The following TXLNB variants were observed in gnomAD, a reference collection of about 807,000 sequenced individuals.
The protein encoded by TXLNB is taxilin beta.
A neutral mutation model predicts 57.4 loss-of-function variants in TXLNB; 37 were observed. The observed-to-expected ratio is 0.64, with a 90% confidence interval of 0.50 to 0.85. TXLNB has a LOEUF of 0.85. Among genes scored for constraint, TXLNB ranks in the 40% least tolerant of loss-of-function variants. TXLNB has a pLI of 0.00. For synonymous variants in TXLNB, 302 were observed against 309.6 expected (o/e 0.98, Z 0.26); for missense variants, 848 against 825.6 (o/e 1.03, Z -0.33).
the TXLNB span, among the ~76,000 whole-genome samples, chr6:139,301,835 A>G: frequency 6.6e-6 from 1 of 152,140 alleles, no homozygotes; most frequent in Admixed American, 6.5e-5. Context: ...TTAGTAAGCA[A>G]CTCTGTGTAT....
the TXLNB span, among the ~76,000 whole-genome samples, chr6:139,214,957 A>G: frequency 2.6e-5 from 4 of 152,122 alleles, no homozygotes; most frequent in Non-Finnish European, 5.9e-5. Context: ...AATACAAACC[A>G]CTGCTCAATG....
At chr6:139,166,712 G>T in the TXLNB span, 1 of 1,611,582 alleles carries the variant, frequency 6.2e-7, no homozygotes, top group Non-Finnish European at 8.5e-7. Flanking sequence ...GCCCCAGAAA[G>T]GCCCAAGCCA....
chr6:139,190,896 C>A, the TXLNB span, among the ~76,000 whole-genome samples: 1 of 152,150 alleles, frequency 6.6e-6, no homozygotes, highest in South Asian at 2.1e-4. Context: ...CAGACCATAG[C>A]AGTGCTCCTG....
upstream of TXLNB, among the ~76,000 whole-genome samples, chr6:139,292,916 A>C (rs1777329251): frequency 6.6e-6 from 1 of 152,196 alleles, no homozygotes; most frequent in Admixed American, 6.5e-5. This position sits in a 1 kb window ranked among gnomAD's most constrained non-coding sequence, Gnocchi z 4.0. Context: ...CAGGCTAGGC[A>C]TAGTGGCATC....
At chr6:139,312,481 G>A in the TXLNB span, among the ~76,000 whole-genome samples, 11 of 152,252 alleles carry the variant, frequency 7.2e-5, 1 homozygote, top group African/African-American at 2.2e-4. Flanking sequence ...GCCACCTCTC[G>A]TAGTGTTTGC....
chr6:139,223,348 A>G, the TXLNB span, among the ~76,000 whole-genome samples: 2 of 152,230 alleles, frequency 1.3e-5, no homozygotes, highest in African/African-American at 4.8e-5. Context: ...GGGATGGGGA[A>G]GGAAGAAAAT....
At chr6:139,323,063 C>T in the TXLNB span, among the ~76,000 whole-genome samples, 1 of 152,112 alleles carries the variant, frequency 6.6e-6, no homozygotes, top group Non-Finnish European at 1.5e-5. Context: ...TTTCTGTGAA[C>T]TGACTAGGAA....
the TXLNB span, among the ~76,000 whole-genome samples, chr6:139,225,804 G>T: frequency 6.6e-6 from 1 of 152,176 alleles, no homozygotes; most frequent in Non-Finnish European, 1.5e-5. Flanking sequence ...GTGTGTGTTT[G>T]TGTGTGTAGA....
At chr6:139,236,188 T>A (rs772372198), downstream of TXLNB, among the ~76,000 whole-genome samples, 1 of 152,132 alleles carries the variant, frequency 6.6e-6, no homozygotes, top group Non-Finnish European at 1.5e-5. Flanking sequence ...AAGCCCTCTG[T>A]CCTTGTGATA....
At chr6:139,266,976 A>AAG (rs1323048374) in intron 4 of TXLNB, among the ~76,000 whole-genome samples, 1 of 151,544 alleles carries the variant, frequency 6.6e-6, no homozygotes. Flanking sequence ...AAAAAAAAAA[A>AAG]AAAAACCCAC....
In TXLNB at chr6:139,242,419, G is replaced by T. The variant is rs2114413110; in HGVS notation, c.*107C>A. On this transcript the variant is annotated 3_prime_UTR_variant, in exon 10 of 10. Transcript: ENST00000358430. Reference sequence around the variant, plus strand: ...ACATTAAAAAATGTCTTGATCCTAAGTCTCTTCCATTTGACATCTCTAGCC... The same window carrying T: ...ACATTAAAAAATGTCTTGATCCTAATTCTCTTCCATTTGACATCTCTAGCC... The T allele has an allele frequency of 1.1e-6, 1 of 930,362 alleles. No homozygotes were observed. The highest frequency in any genetic ancestry group is 3.6e-5 in the South Asian group (1 of 27,518). 57.6% of individuals were successfully genotyped at this position (930,362 alleles called of 1,614,324 possible). A position where few individuals can be genotyped will look rare whatever the true frequency, so the allele number is the denominator to read the frequency against.
the TXLNB span, among the ~76,000 whole-genome samples, chr6:139,215,048 C>A: frequency 6.1e-4 from 93 of 152,222 alleles, no homozygotes; most frequent in East Asian, 0.015. Context: ...AATGGCCATA[C>A]TGCCCAAGGT....
intron 3 of TXLNB, among the ~76,000 whole-genome samples, chr6:139,273,487 C>T (rs1160910009): frequency 1.3e-5 from 2 of 152,156 alleles, no homozygotes; most frequent in East Asian, 1.9e-4. Flanking sequence ...TTAGAGACAG[C>T]GTCTTGCTCA....
At chr6:139,246,512 C>T (rs573382852) in intron 8 of TXLNB, among the ~76,000 whole-genome samples, 195 of 152,224 alleles carry the variant, frequency 1.3e-3, no homozygotes, top group Middle Eastern at 6.8e-3. Flanking sequence ...AATACTGGCA[C>T]CTTATATTTG....
At chr6:139,311,509 G>A in the TXLNB span, among the ~76,000 whole-genome samples, 1 of 149,710 alleles carries the variant, frequency 6.7e-6, no homozygotes, top group Non-Finnish European at 1.5e-5. Context: ...TTTTTGGGGG[G>A]TGGGGGGGTG....
intron 1 of TXLNB, among the ~76,000 whole-genome samples, chr6:139,291,242 T>G (rs927952030): frequency 3.9e-5 from 6 of 152,182 alleles, no homozygotes; most frequent in African/African-American, 1.2e-4. Context: ...AAGAGAATCG[T>G]TTTTCAGTCA....
the TXLNB span, among the ~76,000 whole-genome samples, chr6:139,221,834 T>G: frequency 6.6e-6 from 1 of 152,154 alleles, no homozygotes; most frequent in Non-Finnish European, 1.5e-5. Flanking sequence ...AGTAAAGGAT[T>G]AGATGGCGTT....
At chr6:139,213,569 T>A in the TXLNB span, among the ~76,000 whole-genome samples, 1 of 151,948 alleles carries the variant, frequency 6.6e-6, no homozygotes, top group Non-Finnish European at 1.5e-5. Context: ...TTAAAAGAAC[T>A]AGAGAAGCAA....
At chr6:139,267,774 A>T (rs1408879025) in intron 4 of TXLNB, among the ~76,000 whole-genome samples, 1 of 152,182 alleles carries the variant, frequency 6.6e-6, no homozygotes. Context: ...AAATGAATGG[A>T]TGAAAAGAGA....
Sources: gnomAD v4.1 joint callset for allele counts (sites outside exome capture counted in the v4.1 genomes callset) on GRCh38, gnomAD v4.1.1 for gene constraint, Gnocchi (gnomAD v3.1) non-coding constraint, MANE v1.5 for transcripts, NCBI Gene and HGNC (gene_info 2026-07-23, HGNC 2026-07-21) for gene names.